SRGAP1: variants seen among roughly 807,000 people sequenced by gnomAD.
SRGAP1 encodes SLIT-ROBO Rho GTPase activating protein 1, also known as SLIT-ROBO Rho GTPase-activating protein 1.
A neutral mutation model predicts 121.9 loss-of-function variants in SRGAP1; 43 were observed. That is an observed-to-expected ratio of 0.35 (90% CI 0.28 to 0.46). The LOEUF (loss-of-function observed/expected upper bound fraction) is 0.46, where lower values mean the gene tolerates loss of function less well. SRGAP1 is among the 20% of genes least tolerant of loss of function. The pLI is 1.00. For missense variants in SRGAP1, 1,102 were observed against 1,350.9 expected (o/e 0.82, Z 2.89); for synonymous variants, 447 against 485.4 (o/e 0.92, Z 1.04).
chr12:64,130,527 A>G (rs914237871), intron 21 of SRGAP1, among the ~76,000 whole-genome samples: 4 of 152,176 alleles, frequency 2.6e-5, no homozygotes, highest in African/African-American at 9.7e-5. Flanking sequence ...TTGGACACAG[A>G]TTCAGAGCAT....
chr12:64,141,665 TC>T (rs2036965679), intron 21 of SRGAP1, among the ~76,000 whole-genome samples: 1 of 151,926 alleles, frequency 6.6e-6, no homozygotes, highest in African/African-American at 2.4e-5. Context: ...TATTAATAAG[TC>T]AGCATGTAGA....
In SRGAP1 at chr12:64,111,808, G is replaced by A. The variant is rs767808345; in HGVS notation, c.1966G>A (p.Ala656Thr). The change falls in exon 17 of 22, where the codon GCC (alanine) becomes ACC (threonine). Residue 656 changes from alanine to threonine, a missense_variant. By Grantham distance (58) the Ala-to-Thr change is moderately conservative (BLOSUM62 0). This residue lies in a region of SRGAP1 where 747 missense variants were observed against 929.4 expected (regional missense o/e 0.80). Coordinates refer to ENST00000355086, the MANE Select transcript of SRGAP1 (RefSeq NM_020762.4). ...DENMMDPYNL[A>T]ICFGPTLMPV... The stretch of plus-strand genomic sequence containing the variant: ...GAATATGATGGACCCTTATAACCTG[G>A]CCATTTGCTTTGGCCCAACATTGAT... The A allele has an allele frequency of 6.2e-7, 1 of 1,613,866 alleles. No individual in the cohort carries two copies. Among genetic ancestry groups the A allele is most frequent in the South Asian group, 1.1e-5 (1 of 91,054 alleles).
At chr12:63,900,582 G>A (rs2029884108) in intron 1 of SRGAP1, among the ~76,000 whole-genome samples, 1 of 152,028 alleles carries the variant, frequency 6.6e-6, no homozygotes, top group South Asian at 2.1e-4. Flanking sequence ...GGAGGATGAG[G>A]CGGGAGGATC....
At chr12:63,908,206 A>G (rs1298241071) in intron 1 of SRGAP1, among the ~76,000 whole-genome samples, 2 of 151,612 alleles carry the variant, frequency 1.3e-5, no homozygotes, top group Non-Finnish European at 2.9e-5. Flanking sequence ...ATATTTCCAT[A>G]TGAATTTTGG....
At chr12:63,947,529 C>G (rs1329408021) in intron 1 of SRGAP1, among the ~76,000 whole-genome samples, 2 of 152,184 alleles carry the variant, frequency 1.3e-5, no homozygotes, top group East Asian at 3.8e-4. Flanking sequence ...ACCTGTTGCT[C>G]TAGAACTATC....
chr12:63,938,870 C>G (rs58400211), intron 1 of SRGAP1, among the ~76,000 whole-genome samples: 3 of 151,248 alleles, frequency 2.0e-5, no homozygotes, highest in African/African-American at 7.3e-5. Flanking sequence ...ATATGAAAAT[C>G]TGGGCTGGGT....
chr12:63,957,610 G>T (rs1034107408), intron 1 of SRGAP1, among the ~76,000 whole-genome samples: 1 of 152,004 alleles, frequency 6.6e-6, no homozygotes, highest in African/African-American at 2.4e-5. Flanking sequence ...AATGCTGCTC[G>T]TCCCTGCCCT....
At chr12:64,137,318 G>T (rs1413088427) in intron 21 of SRGAP1, among the ~76,000 whole-genome samples, 1 of 151,730 alleles carries the variant, frequency 6.6e-6, no homozygotes, top group African/African-American at 2.4e-5. Context: ...CAGATGACTA[G>T]GCTCTGCACA....
At chr12:64,079,320 T>A (rs1393055157) in intron 9 of SRGAP1, among the ~76,000 whole-genome samples, 3 of 151,996 alleles carry the variant, frequency 2.0e-5, no homozygotes, top group Non-Finnish European at 4.4e-5. Flanking sequence ...TTTAGTTAGT[T>A]AGAGGACTGG....
At chr12:63,948,895 TTCCATATATATATTTTCCATATATATATA>T (rs2032150553) in intron 1 of SRGAP1, among the ~76,000 whole-genome samples, 1 of 88,910 alleles carries the variant, frequency 1.1e-5, no homozygotes, top group African/African-American at 3.7e-5. Context: ...TATATATATA[TTCCATATATATATTTTCCATATATATATA>T]TTCCATATAT....
intron 1 of SRGAP1, among the ~76,000 whole-genome samples, chr12:63,909,804 C>G: frequency 6.6e-6 from 1 of 152,242 alleles, no homozygotes; most frequent in East Asian, 1.9e-4. Context: ...ATCTGTAGGG[C>G]ATGCTGGCAG....
intron 1 of SRGAP1, among the ~76,000 whole-genome samples, chr12:63,869,267 G>T (rs767235205): frequency 6.6e-6 from 1 of 152,156 alleles, no homozygotes; most frequent in Non-Finnish European, 1.5e-5. Context: ...CAAAGAAAGG[G>T]CAAGAGAGGG....
At chr12:63,884,809 C>T (rs1268248038) in intron 1 of SRGAP1, among the ~76,000 whole-genome samples, 5 of 150,810 alleles carry the variant, frequency 3.3e-5, no homozygotes, top group Non-Finnish European at 2.9e-5. Context: ...GCAAGCTCCA[C>T]CCAGGTTCAA....
rs1201197271 is a variant in SRGAP1 at position 64,048,993 on chromosome 12, G to C, written c.801+5418G>C. 2.6e-5 allele frequency among the ~76,000 whole-genome samples: 4 copies of C among 152,102 alleles called. 1 individual carries two copies. Among genetic ancestry groups the C allele is most frequent in the Non-Finnish European group, 4.4e-5 (3 of 68,026 alleles). ...TGATTGTTTCTTTTGCTGCACAGAA[G>C]CTTTTTAACTTGATGTGTTTCCATT... On this transcript the variant is annotated intron_variant, in intron 6 of 21. Coordinates refer to ENST00000355086, the MANE Select transcript of SRGAP1 (RefSeq NM_020762.4).
chr12:64,096,234 A>C (rs939913572), intron 14 of SRGAP1, among the ~76,000 whole-genome samples: 1 of 152,316 alleles, frequency 6.6e-6, no homozygotes, highest in East Asian at 1.9e-4. Flanking sequence ...AGGCTTTCTC[A>C]CAGTGGGCAA....
intron 1 of SRGAP1, among the ~76,000 whole-genome samples, chr12:63,853,317 G>A (rs112595949): frequency 0.014 from 2,077 of 152,040 alleles, 23 homozygotes; most frequent in South Asian, 0.035. Flanking sequence ...CACCGCACCC[G>A]GCCTATTACC....
At chr12:63,920,444 G>A (rs2030995879) in intron 1 of SRGAP1, among the ~76,000 whole-genome samples, 1 of 152,170 alleles carries the variant, frequency 6.6e-6, no homozygotes, top group African/African-American at 2.4e-5. Flanking sequence ...GGGAAGGAGT[G>A]GAGAGGCTAG....
intron 1 of SRGAP1, among the ~76,000 whole-genome samples, chr12:63,876,684 A>G (rs1273838976): frequency 6.6e-6 from 1 of 152,198 alleles, no homozygotes; most frequent in South Asian, 2.1e-4. Flanking sequence ...ATGTACGCTC[A>G]TGTTGACTTC....
At chr12:63,876,519 T>C (rs537320953) in intron 1 of SRGAP1, among the ~76,000 whole-genome samples, 13 of 152,338 alleles carry the variant, frequency 8.5e-5, no homozygotes, top group African/African-American at 3.1e-4. Context: ...TTACAGTGTT[T>C]ATGGAACTCA....
Sources: allele counts gnomAD v4.1 joint callset (sites outside exome capture counted in the v4.1 genomes callset), GRCh38; gene constraint gnomAD v4.1.1; regional missense constraint gnomAD v4.1.1; transcripts MANE v1.5; gene names NCBI Gene and HGNC (gene_info 2026-07-23, HGNC 2026-07-21).